Variants in CHRNA7 observed in about 807,000 individuals in gnomAD.
CHRNA7 encodes the protein neuronal acetylcholine receptor subunit alpha-7.
Under a neutral mutation model 48.0 loss-of-function variants are expected in CHRNA7, and 17 were observed. The ratio of observed to expected loss-of-function variants is 0.35; its 90% CI spans 0.24 to 0.53. CHRNA7 has a LOEUF of 0.53. Ranked by LOEUF, CHRNA7 falls within the 20% of genes least tolerant of loss-of-function variation. The probability of loss-of-function intolerance (pLI) is 0.92; values close to 1 mark genes in which losing one functional copy is unlikely to be tolerated. For missense variants in CHRNA7, 155 were observed against 577.7 expected, an observed-to-expected ratio of 0.27 and a Z score of 7.50; for synonymous variants, 75 against 242.3, an observed-to-expected ratio of 0.31 and a Z score of 6.41.
Position 32,168,754 on chromosome 15 carries a change from GAGC to G in CHRNA7, c.*297_*299del. ...CCCACTGCCTGGAAAGCCCTTCGGA[GAGC>G]TCCCCATGGCTCCTCACCACCGAGA... On this transcript the variant is annotated 3_prime_UTR_variant, in exon 10 of 10. Transcript: ENST00000306901. 3.6e-5 allele frequency: 3 copies of G among 82,320 alleles called. No homozygotes were observed. The highest frequency in any genetic ancestry group is 6.2e-5 in the Non-Finnish European group (3 of 48,250). 5.1% of individuals were successfully genotyped at this position (82,320 alleles called of 1,614,324 possible).
chr15:32,108,131 C>G lies in CHRNA7; in HGVS notation c.241-3659C>G, dbSNP rs1417053069. On this transcript the variant is annotated intron_variant, in intron 3 of 9. Coordinates refer to ENST00000306901, the MANE Select transcript of CHRNA7 (RefSeq NM_000746.6). ...CTCAATGCTTCCATGCCACTAGCAT[C>G]CACACACATTTAGAGTTTCCTGTGG... 4.6e-5 allele frequency among the ~76,000 whole-genome samples: 7 copies of G among 152,204 alleles called. No individual in the cohort carries two copies. The East Asian group carries it at 1.4e-3, about 29-fold the overall frequency.
At chr15:32,036,525 G>A (rs78314226) in intron 2 of CHRNA7, among the ~76,000 whole-genome samples, 1 of 152,282 alleles carries the variant, frequency 6.6e-6, no homozygotes, top group East Asian at 1.9e-4. Context: ...TCCCAAAGTG[G>A]ATGTACCATT....
rs531484972 is a variant in CHRNA7, at chr15:32,148,422, G to A, written c.351-5485G>A. 2.6e-4 allele frequency among the ~76,000 whole-genome samples: 40 copies of A among 152,234 alleles called. 2 individuals carry two copies. In the South Asian group the frequency reaches 4.6e-3, roughly 17 times the overall value. On this transcript the variant is annotated intron_variant, in intron 4 of 9. Coordinates refer to ENST00000306901, the MANE Select transcript of CHRNA7 (RefSeq NM_000746.6). ...TTCTGGCTCAGTGTTGAGGCCTCCCGTGCTCAGCCGTAGAGGTCAATGCTA... is the reference window on the plus strand; with the variant it reads ...TTCTGGCTCAGTGTTGAGGCCTCCCATGCTCAGCCGTAGAGGTCAATGCTA...
chr15:32,104,030 T>A (rs1224200845), intron 3 of CHRNA7, among the ~76,000 whole-genome samples: 1 of 152,180 alleles, frequency 6.6e-6, no homozygotes, highest in East Asian at 1.9e-4. Flanking sequence ...CCTGCTTCAG[T>A]GTTGCCTCTT....
At chr15:32,033,415 CTG>C (rs961979768) in intron 2 of CHRNA7, among the ~76,000 whole-genome samples, 1 of 152,204 alleles carries the variant, frequency 6.6e-6, no homozygotes, top group Non-Finnish European at 1.5e-5. Context: ...CAAGGTCACT[CTG>C]TGATTAGAGG....
At chr15:32,117,370 A>G (rs1384719045) in intron 4 of CHRNA7, among the ~76,000 whole-genome samples, 1 of 152,152 alleles carries the variant, frequency 6.6e-6, no homozygotes, top group Non-Finnish European at 1.5e-5. Flanking sequence ...CCATGTGTGG[A>G]TCAAGTGCAG....
At chr15:32,060,310 ATTTATATGTATACC>A (rs2049858317) in intron 2 of CHRNA7, among the ~76,000 whole-genome samples, 1 of 152,198 alleles carries the variant, frequency 6.6e-6, no homozygotes, top group Non-Finnish European at 1.5e-5. Flanking sequence ...TATATCATCT[ATTTATATGTATACC>A]TGTATATACA....
At chr15:32,133,624 G>A (rs1310352115) in intron 4 of CHRNA7, among the ~76,000 whole-genome samples, 1 of 152,202 alleles carries the variant, frequency 6.6e-6, no homozygotes, top group Non-Finnish European at 1.5e-5. Context: ...AGTGCAAGAC[G>A]ATGAAAAAGA....
At chr15:32,127,504 T>C (rs2051088204) in intron 4 of CHRNA7, among the ~76,000 whole-genome samples, 1 of 152,140 alleles carries the variant, frequency 6.6e-6, no homozygotes. Context: ...AGTAGGTGTG[T>C]AGTGATAACC....
chr15:32,128,158 C>T lies in CHRNA7; in HGVS notation c.350+16259C>T, dbSNP rs138026845. 3.7e-4 allele frequency among the ~76,000 whole-genome samples: 57 copies of T among 152,096 alleles called. 2 individuals are homozygous for T. The East Asian group carries it at 0.011, about 29-fold the overall frequency. On this transcript the variant is annotated intron_variant, in intron 4 of 9. Transcript: ENST00000306901. ...GGGTTCTCAATTCTGTTTTATTAAT[C>T]TAGATATCTCTTCCTCTATTATAGT...
chr15:32,114,099 CAT>C (rs2050825104), intron 4 of CHRNA7, among the ~76,000 whole-genome samples: 1 of 137,948 alleles, frequency 7.2e-6, no homozygotes, highest in Non-Finnish European at 1.6e-5. Context: ...TACACACACA[CAT>C]ATACACACAC....
chr15:32,083,610 A>G (rs1289457707), intron 2 of CHRNA7, among the ~76,000 whole-genome samples: 1 of 152,164 alleles, frequency 6.6e-6, no homozygotes. Context: ...CAGAAATTCA[A>G]CTGTTAACTA....
intron 2 of CHRNA7, among the ~76,000 whole-genome samples, chr15:32,031,356 A>C (rs1034757286): frequency 6.6e-6 from 1 of 152,244 alleles, no homozygotes; most frequent in Non-Finnish European, 1.5e-5. Context: ...TAGCAAGAAC[A>C]GGTGAAGTTC....
chr15:32,037,514 A>T (rs1313299176), intron 2 of CHRNA7, among the ~76,000 whole-genome samples: 2 of 152,218 alleles, frequency 1.3e-5, no homozygotes, highest in Non-Finnish European at 2.9e-5. Context: ...AAGAACTGAC[A>T]TATTGACAAT....
At chr15:32,048,986 G>C (rs1387926592) in intron 2 of CHRNA7, among the ~76,000 whole-genome samples, 28 of 141,876 alleles carry the variant, frequency 2.0e-4, no homozygotes, top group East Asian at 4.7e-4. Context: ...GGTTTTGAGT[G>C]AGTTTCTTAA....
intron 2 of CHRNA7, among the ~76,000 whole-genome samples, chr15:32,040,606 A>ATG (rs1011683494): frequency 1.0e-3 from 38 of 37,736 alleles, no homozygotes; most frequent in Admixed American, 9.4e-3. Context: ...ATATGTGTGT[A>ATG]TGTGTGTGTG....
At chr15:32,126,632 C>T (rs146502196) in intron 4 of CHRNA7, among the ~76,000 whole-genome samples, 1 of 152,272 alleles carries the variant, frequency 6.6e-6, no homozygotes, top group African/African-American at 2.4e-5. Context: ...CTGCATTTTT[C>T]ACTCATCCTG....
At chr15:32,032,936 G>A (rs1281550821) in intron 2 of CHRNA7, among the ~76,000 whole-genome samples, 2 of 152,216 alleles carry the variant, frequency 1.3e-5, no homozygotes, top group African/African-American at 4.8e-5. Flanking sequence ...CTTAGGAGAA[G>A]TTTAGGCATA....
intron 4 of CHRNA7, among the ~76,000 whole-genome samples, chr15:32,152,170 C>T (rs992698387): frequency 1.3e-5 from 2 of 152,234 alleles, no homozygotes; most frequent in Admixed American, 1.3e-4. Flanking sequence ...ACAGGCTAGG[C>T]GCGGTGGCTC....
Sources: allele counts gnomAD v4.1 joint callset (sites outside exome capture counted in the v4.1 genomes callset), GRCh38; gene constraint gnomAD v4.1.1; transcripts MANE v1.5; gene names NCBI Gene and HGNC (gene_info 2026-07-23, HGNC 2026-07-21).